The following ENTREP2 variants were observed in gnomAD, a reference collection of about 807,000 sequenced individuals.
ENTREP2 encodes the protein protein ENTREP2.
the ENTREP2 span, among the ~76,000 whole-genome samples, chr15:29,245,986 T>G: frequency 6.6e-6 from 1 of 152,184 alleles, no homozygotes; most frequent in Non-Finnish European, 1.5e-5. Flanking sequence ...TTTTTTTCTC[T>G]AGATCTGTTT....
At chr15:29,123,800 C>T in the ENTREP2 span, 1 of 789,904 alleles carries the variant, frequency 1.3e-6, no homozygotes, top group Non-Finnish European at 2.0e-6. Context: ...CCTGCTGTCC[C>T]CATCCCTCCT....
At chr15:29,370,056 C>T in the ENTREP2 span, among the ~76,000 whole-genome samples, 1,007 of 152,222 alleles carry the variant, frequency 6.6e-3, 17 homozygotes, top group African/African-American at 0.023. Context: ...AAATAAATTA[C>T]CCAATCTCAG....
the ENTREP2 span, among the ~76,000 whole-genome samples, chr15:29,489,125 C>G: frequency 6.9e-6 from 1 of 145,422 alleles, no homozygotes; most frequent in African/African-American, 2.7e-5. Flanking sequence ...TTAATTTCAC[C>G]TCAGTAAAGA....
At chr15:29,621,108 G>A in the ENTREP2 span, among the ~76,000 whole-genome samples, 59 of 152,060 alleles carry the variant, frequency 3.9e-4, no homozygotes, top group Middle Eastern at 6.8e-3. Context: ...GTAAGGGGGC[G>A]GCCAGGCGCA....
the ENTREP2 span, among the ~76,000 whole-genome samples, chr15:29,174,523 C>T: frequency 1.3e-5 from 2 of 152,056 alleles, no homozygotes; most frequent in African/African-American, 4.8e-5. Context: ...CTCGTCTCTA[C>T]TAAAAATACA....
chr15:29,240,358 G>A, the ENTREP2 span, among the ~76,000 whole-genome samples: 1 of 148,644 alleles, frequency 6.7e-6, no homozygotes, highest in East Asian at 2.0e-4. Flanking sequence ...GCGAGACTCC[G>A]TCTCAGAAAA....
the ENTREP2 span, among the ~76,000 whole-genome samples, chr15:29,559,802 T>C: frequency 6.6e-6 from 1 of 152,096 alleles, no homozygotes; most frequent in South Asian, 2.1e-4. Flanking sequence ...CTTAACCGAA[T>C]CACATCCGCA....
chr15:29,423,875 G>C, the ENTREP2 span, among the ~76,000 whole-genome samples: 318 of 152,290 alleles, frequency 2.1e-3, 3 homozygotes, highest in Admixed American at 0.015. Context: ...ACAGACGTAT[G>C]TGGACACCCA....
At chr15:29,486,303 T>C in the ENTREP2 span, among the ~76,000 whole-genome samples, 10 of 151,894 alleles carry the variant, frequency 6.6e-5, no homozygotes, top group African/African-American at 2.4e-4. Context: ...AGCCAGAGAA[T>C]GATAAATACC....
At chr15:29,186,931 T>C in the ENTREP2 span, among the ~76,000 whole-genome samples, 1 of 152,138 alleles carries the variant, frequency 6.6e-6, no homozygotes, top group Non-Finnish European at 1.5e-5. Context: ...TCAGCTAGGA[T>C]TAGAGGTGAG....
the ENTREP2 span, among the ~76,000 whole-genome samples, chr15:29,206,904 A>G: frequency 6.6e-6 from 1 of 152,156 alleles, no homozygotes; most frequent in Non-Finnish European, 1.5e-5. Flanking sequence ...TAAACGTTTT[A>G]TATTCACACA....
At chr15:29,521,897 T>C in the ENTREP2 span, among the ~76,000 whole-genome samples, 1 of 152,128 alleles carries the variant, frequency 6.6e-6, no homozygotes, top group Non-Finnish European at 1.5e-5. Flanking sequence ...ACACATTAAT[T>C]AAGACAGTGT....
At chr15:29,300,385 AGATAGATG>A in the ENTREP2 span, among the ~76,000 whole-genome samples, 6 of 128,876 alleles carry the variant, frequency 4.7e-5, no homozygotes, top group Admixed American at 7.6e-5. Flanking sequence ...ATGGATGGAT[AGATAGATG>A]GATAAATGGA....
the ENTREP2 span, among the ~76,000 whole-genome samples, chr15:29,157,463 C>T: frequency 6.6e-6 from 1 of 152,208 alleles, no homozygotes; most frequent in Non-Finnish European, 1.5e-5. Context: ...CTCTAAGTGA[C>T]ATGAATTTTG....
At chr15:29,180,171 A>G in the ENTREP2 span, among the ~76,000 whole-genome samples, 1 of 152,188 alleles carries the variant, frequency 6.6e-6, no homozygotes, top group East Asian at 1.9e-4. Context: ...TAGTAAGGAC[A>G]TAGAAGAGCT....
chr15:29,644,934 C>T, the ENTREP2 span, among the ~76,000 whole-genome samples: 1 of 151,962 alleles, frequency 6.6e-6, no homozygotes, highest in Non-Finnish European at 1.5e-5. Context: ...ATCAGCCAGG[C>T]ATGGTAGCTC....
At chr15:29,391,193 C>A in the ENTREP2 span, among the ~76,000 whole-genome samples, 1 of 151,982 alleles carries the variant, frequency 6.6e-6, no homozygotes, top group Non-Finnish European at 1.5e-5. Flanking sequence ...TGAGGACACA[C>A]TCATTGCTAC....
chr15:29,322,403 C>T, the ENTREP2 span, among the ~76,000 whole-genome samples: 15 of 152,266 alleles, frequency 9.9e-5, no homozygotes, highest in South Asian at 3.1e-3. Context: ...AATTTTTTAT[C>T]CCCTGACCAA....
the ENTREP2 span, among the ~76,000 whole-genome samples, chr15:29,527,100 T>C: frequency 6.6e-6 from 1 of 152,170 alleles, no homozygotes; most frequent in Non-Finnish European, 1.5e-5. Context: ...CCACACTTTC[T>C]TGGTTTCCTG....
Sources: gnomAD v4.1 joint callset for allele counts (sites outside exome capture counted in the v4.1 genomes callset) on GRCh38, gnomAD v4.1.1 for gene constraint, MANE v1.5 for transcripts, NCBI Gene and HGNC (gene_info 2026-07-23, HGNC 2026-07-21) for gene names.